KLF13: variants seen among roughly 807,000 people sequenced by gnomAD.
KLF13 encodes the protein KLF transcription factor 13.
A neutral mutation model predicts 16.7 loss-of-function variants in KLF13; 8 were observed. The ratio of observed to expected loss-of-function variants is 0.48; its 90% confidence interval spans 0.28 to 0.87. The LOEUF (loss-of-function observed/expected upper bound fraction) is 0.87. Ranked by LOEUF, KLF13 falls within the 40% of genes least tolerant of loss-of-function variation. The probability of loss-of-function intolerance (pLI) is 0.10; values close to 1 mark genes in which losing one functional copy is unlikely to be tolerated. For synonymous variants in KLF13, 245 were observed against 208.4 expected (o/e 1.18, Z -1.51); for missense variants, 447 against 452.2 (o/e 0.99, Z 0.10).
At chr15:31,386,363 G>T (rs2039796571) in intron 1 of KLF13, among the ~76,000 whole-genome samples, 1 of 152,190 alleles carries the variant, frequency 6.6e-6, no homozygotes, top group South Asian at 2.1e-4. Flanking sequence ...GCTGGGCGTG[G>T]TGGCGTGCAC....
chr15:31,333,293 G>A (rs2038865791), intron 1 of KLF13, among the ~76,000 whole-genome samples: 1 of 152,226 alleles, frequency 6.6e-6, no homozygotes, highest in Non-Finnish European at 1.5e-5. Flanking sequence ...AGGGATTGGA[G>A]CTGGGGCTTG....
At position 31,327,156 on chromosome 15, in the gene KLF13, C is replaced by T; in HGVS notation, c.-57C>T. ...GCCCGCTCTCCCGAGGCCGTGGGTGCGGATGCGCGGCTGACGACTCGCAGC... is the reference window on the plus strand; with the variant it reads ...GCCCGCTCTCCCGAGGCCGTGGGTGTGGATGCGCGGCTGACGACTCGCAGC... On this transcript the variant is annotated 5_prime_UTR_variant, in exon 1 of 2. Coordinates refer to ENST00000307145, the MANE Select transcript of KLF13 (RefSeq NM_015995.4). 3 of 1,101,810 alleles carry T rather than the reference C, an allele frequency of 2.7e-6. No homozygotes were observed. The highest frequency in any genetic ancestry group is 3.3e-6 in the Non-Finnish European group (3 of 901,412). The allele number at this position is 1,101,810 out of a possible 1,614,324, so 68.3% of individuals were successfully genotyped here.
At chr15:31,411,444 G>A (rs1566842792) in intron 1 of KLF13, among the ~76,000 whole-genome samples, 2 of 147,504 alleles carry the variant, frequency 1.4e-5, no homozygotes, top group Non-Finnish European at 3.0e-5. Context: ...CGCCCAGGCT[G>A]GAATGCAGTG....
intron 1 of KLF13, among the ~76,000 whole-genome samples, chr15:31,329,813 A>G (rs2038795139): frequency 6.6e-6 from 1 of 152,146 alleles, no homozygotes; most frequent in Non-Finnish European, 1.5e-5. Context: ...TCCTACCTCC[A>G]GGGTGGAAGC....
intron 1 of KLF13, among the ~76,000 whole-genome samples, chr15:31,432,200 GAAGTT>G (rs1430406369): frequency 6.6e-6 from 1 of 152,122 alleles, no homozygotes; most frequent in Non-Finnish European, 1.5e-5. Context: ...AAGGGGAAGT[GAAGTT>G]GAGAATTTTT....
chr15:31,396,056 G>C (rs868508001), intron 2 of KLF13, among the ~76,000 whole-genome samples: 4 of 151,990 alleles, frequency 2.6e-5, no homozygotes, highest in Non-Finnish European at 4.4e-5. Context: ...ACGGAGTTTC[G>C]CTCTTGTTTC....
chr15:31,329,592 C>G (rs75631319), intron 1 of KLF13, among the ~76,000 whole-genome samples: 1,786 of 152,212 alleles, frequency 0.012, 46 homozygotes, highest in African/African-American at 0.041. Context: ...GGCTCTGGCC[C>G]CGCGCGAGCC....
At chr15:31,411,354 C>T (rs922979209) in intron 1 of KLF13, among the ~76,000 whole-genome samples, 2 of 151,330 alleles carry the variant, frequency 1.3e-5, no homozygotes, top group Non-Finnish European at 2.9e-5. Flanking sequence ...AATCAACATT[C>T]GAAATTCAAT....
At chr15:31,365,928 C>T (rs964071581) in intron 1 of KLF13, among the ~76,000 whole-genome samples, 6 of 151,114 alleles carry the variant, frequency 4.0e-5, no homozygotes, top group Non-Finnish European at 8.9e-5. Flanking sequence ...GTTGTCCCCG[C>T]CTGGGCCTGC....
At chr15:31,360,979 T>A (rs1368219947) in intron 1 of KLF13, among the ~76,000 whole-genome samples, 1 of 152,156 alleles carries the variant, frequency 6.6e-6, no homozygotes, top group Non-Finnish European at 1.5e-5. Flanking sequence ...GCCATTGTTT[T>A]GAGTGCGCTG....
chr15:31,385,326 G>A (rs910550004), intron 1 of KLF13, among the ~76,000 whole-genome samples: 1 of 152,242 alleles, frequency 6.6e-6, no homozygotes, highest in African/African-American at 2.4e-5. Context: ...AGGACAAGGT[G>A]ACTGAGAGGG....
At chr15:31,329,472 G>C (rs1247818481) in intron 1 of KLF13, among the ~76,000 whole-genome samples, 1 of 152,128 alleles carries the variant, frequency 6.6e-6, no homozygotes, top group Admixed American at 6.5e-5. Flanking sequence ...CGGTAGCGGG[G>C]AATTGAGGAG....
At chr15:31,386,057 A>C (rs948679089) in intron 1 of KLF13, among the ~76,000 whole-genome samples, 5 of 152,260 alleles carry the variant, frequency 3.3e-5, no homozygotes, top group African/African-American at 1.2e-4. Flanking sequence ...ATAGAAGATC[A>C]AACCAGCCAC....
intron 1 of KLF13, among the ~76,000 whole-genome samples, chr15:31,341,025 C>T (rs2140938928): frequency 6.6e-6 from 1 of 152,300 alleles, no homozygotes; most frequent in East Asian, 1.9e-4. Flanking sequence ...GGACCTGGAG[C>T]CCCGAGACAT....
At chr15:31,331,489 G>A (rs937797492) in intron 1 of KLF13, among the ~76,000 whole-genome samples, 3 of 152,112 alleles carry the variant, frequency 2.0e-5, no homozygotes, top group South Asian at 2.1e-4. Context: ...CAAGCACACC[G>A]CCCCTTGGGC....
downstream of KLF13, among the ~76,000 whole-genome samples, chr15:31,405,785 A>C (rs1433470483): frequency 3.3e-5 from 5 of 152,192 alleles, no homozygotes; most frequent in Admixed American, 6.5e-5. Flanking sequence ...CTTGGCAGCT[A>C]TCTGTATGCA....
intron 1 of KLF13, among the ~76,000 whole-genome samples, chr15:31,414,463 A>T (rs966486918): frequency 6.6e-6 from 1 of 152,208 alleles, no homozygotes; most frequent in South Asian, 2.1e-4. Context: ...TACTTACTAT[A>T]TGTTGTCTGC....
In KLF13 at chr15:31,375,253, G is replaced by A. The variant is rs933459447; in HGVS notation, c.*2954G>A. 6.6e-6 allele frequency: 1 copy of A among 152,254 alleles called. No homozygotes were observed. The highest frequency in any genetic ancestry group is 6.5e-5 in the Admixed American group (1 of 15,284). 9.4% of individuals were successfully genotyped at this position (152,254 alleles called of 1,614,324 possible). On this transcript the variant is annotated 3_prime_UTR_variant, in exon 2 of 2. Transcript: ENST00000307145. Reference sequence around the variant, plus strand: ...GGGCAGGTTTCCATTTCATCATGAAGTGAGGGACTCCTGTGGAAGAGGGTG... The same window carrying A: ...GGGCAGGTTTCCATTTCATCATGAAATGAGGGACTCCTGTGGAAGAGGGTG...
chr15:31,389,865 A>G (rs1205638437), upstream of KLF13, among the ~76,000 whole-genome samples: 1 of 152,124 alleles, frequency 6.6e-6, no homozygotes, highest in African/African-American at 2.4e-5. Context: ...ATGGGCCTAA[A>G]GTCATCAACA....
Sources: allele counts gnomAD v4.1 joint callset (sites outside exome capture counted in the v4.1 genomes callset), GRCh38; gene constraint gnomAD v4.1.1; transcripts MANE v1.5; gene names NCBI Gene and HGNC (gene_info 2026-07-23, HGNC 2026-07-21).